VPS54: variants seen among roughly 807,000 people sequenced by gnomAD.
VPS54 encodes the protein VPS54 subunit of GARP complex.
VPS54 carries 45 observed loss-of-function variants against 121.5 expected under a neutral mutation model. The observed-to-expected ratio is 0.37, with a 90% confidence interval of 0.29 to 0.47. VPS54 has a LOEUF of 0.47. Among genes scored for constraint, VPS54 ranks in the 20% least tolerant of loss-of-function variants. VPS54 has a pLI of 0.99. For missense variants in VPS54, 1,090 were observed against 1,131.4 expected, an observed-to-expected ratio of 0.96 and a Z score of 0.52; for synonymous variants, 371 against 385.8, an observed-to-expected ratio of 0.96 and a Z score of 0.45.
chr2:63,980,743 T>C (rs190585269), intron 3 of VPS54, among the ~76,000 whole-genome samples: 115 of 152,164 alleles, frequency 7.6e-4, no homozygotes, highest in South Asian at 4.8e-3. Flanking sequence ...ATTTGATCAA[T>C]ATACAAATAG....
intron 20 of VPS54, among the ~76,000 whole-genome samples, chr2:63,907,518 C>CAAAA (rs113824223): frequency 2.2e-5 from 2 of 89,506 alleles, no homozygotes; most frequent in Non-Finnish European, 2.2e-5. Flanking sequence ...AACTCCATCT[C>CAAAA]AAAAAAAAAA....
At chr2:63,972,703 T>A (rs1057416136) in intron 3 of VPS54, among the ~76,000 whole-genome samples, 1 of 151,940 alleles carries the variant, frequency 6.6e-6, no homozygotes, top group African/African-American at 2.4e-5. Context: ...CTGGCCAACA[T>A]GGTGAAACCT....
chr2:63,974,487 G>C (rs895085812), intron 3 of VPS54, among the ~76,000 whole-genome samples: 2 of 152,130 alleles, frequency 1.3e-5, no homozygotes, highest in Non-Finnish European at 2.9e-5. Flanking sequence ...CCAACTGCTA[G>C]GATTTTAATC....
Position 64,019,057 on chromosome 2 carries a change from C to T in VPS54, c.-140G>A, listed in dbSNP as rs1279690677. On this transcript the variant is annotated 5_prime_UTR_variant, in exon 1 of 23. Transcript: ENST00000272322. Reference sequence around the variant, plus strand: ...GCCGCCGCCCGGCGCCCGGCCGGGCCCGAGCCCGGGTTCCCGCCCCCGCCC... The same window carrying T: ...GCCGCCGCCCGGCGCCCGGCCGGGCTCGAGCCCGGGTTCCCGCCCCCGCCC... The T allele has an allele frequency of 2.0e-5, 3 of 151,088 alleles. No homozygotes were observed. Among genetic ancestry groups the T allele is most frequent in the Non-Finnish European group, 3.0e-5 (2 of 67,582 alleles). The allele number at this position is 151,088 out of a possible 1,614,324, so 9.4% of individuals were successfully genotyped here. A position where few individuals can be genotyped will look rare whatever the true frequency, so the allele number is the denominator to read the frequency against.
rs9309357 is a variant in VPS54 at position 63,938,059 on chromosome 2, G to GTGGTGTGTGTGTGTGTGTGTGT, written c.1399-4047_1399-4046insACACACACACACACACACACCA. ...AAACGTGTGTGTGTGTGGTGTGTGT[G>GTGGTGTGTGTGTGTGTGTGTGT]GTGTGTGTGTGTGTGTGTGTGTGTG... On this transcript the variant is annotated intron_variant, in intron 11 of 22. Transcript: ENST00000272322. Among the ~76,000 whole-genome samples, 9 of 140,478 alleles carry GTGGTGTGTGTGTGTGTGTGTGT rather than the reference G, an allele frequency of 6.4e-5. 1 individual carries two copies. Among genetic ancestry groups the GTGGTGTGTGTGTGTGTGTGTGT allele is most frequent in the African/African-American group, 2.5e-4 (9 of 36,134 alleles). The allele number at this position is 140,478 out of a possible 152,430, so 92.2% of individuals were successfully genotyped here.
intron 1 of VPS54, among the ~76,000 whole-genome samples, chr2:63,994,797 G>A (rs1317988244): frequency 1.3e-5 from 2 of 152,152 alleles, no homozygotes; most frequent in Non-Finnish European, 2.9e-5. Context: ...CTTAATTTGG[G>A]AAGATTGTGT....
At chr2:64,001,903 T>C (rs1251043814) in intron 1 of VPS54, among the ~76,000 whole-genome samples, 1 of 152,122 alleles carries the variant, frequency 6.6e-6, no homozygotes, top group Non-Finnish European at 1.5e-5. Context: ...CTAATTCCAC[T>C]GGTGCCGAGC....
At chr2:63,920,783 G>A (rs66595136) in intron 13 of VPS54, among the ~76,000 whole-genome samples, 156 bp from the exon 14 acceptor site, 26,407 of 151,710 alleles carry the variant, frequency 0.17, 3,069 homozygotes, top group Non-Finnish European at 0.24. Context: ...ATGCTTAAGA[G>A]GTCCAAATTT....
intron 1 of VPS54, among the ~76,000 whole-genome samples, chr2:64,011,520 T>G (rs1678430774): frequency 6.6e-6 from 1 of 152,122 alleles, no homozygotes; most frequent in African/African-American, 2.4e-5. Context: ...GAGCCGTGAT[T>G]ATACCACTGC....
At chr2:63,946,480 C>A (rs367714782) in intron 9 of VPS54, among the ~76,000 whole-genome samples, 2 of 151,702 alleles carry the variant, frequency 1.3e-5, no homozygotes, top group Non-Finnish European at 2.9e-5. Context: ...AGTGGTTGTA[C>A]CAATTTAAAA....
chr2:64,007,710 G>C (rs1489674068), intron 1 of VPS54, among the ~76,000 whole-genome samples: 2 of 152,208 alleles, frequency 1.3e-5, no homozygotes, highest in Non-Finnish European at 2.9e-5. Context: ...TGGAGAAAGT[G>C]CCGAAGAAGA....
At chr2:63,898,398 T>C (rs964979308) in intron 21 of VPS54, among the ~76,000 whole-genome samples, 4 of 152,206 alleles carry the variant, frequency 2.6e-5, no homozygotes, top group African/African-American at 9.6e-5. Flanking sequence ...ACGTCGTATT[T>C]TACGGCTCCC....
At chr2:63,967,857 G>C (rs1246619883) in intron 5 of VPS54, among the ~76,000 whole-genome samples, 4 of 151,898 alleles carry the variant, frequency 2.6e-5, no homozygotes, top group Non-Finnish European at 5.9e-5. Flanking sequence ...GAAAGAACAA[G>C]AAAGTACCCA....
At chr2:63,998,277 C>G (rs1427458673) in intron 1 of VPS54, among the ~76,000 whole-genome samples, 1 of 151,998 alleles carries the variant, frequency 6.6e-6, no homozygotes, top group Admixed American at 6.6e-5. Flanking sequence ...TTTTCCATCC[C>G]TTTTTTTGTC....
At chr2:64,010,828 A>T (rs1678393962) in intron 1 of VPS54, among the ~76,000 whole-genome samples, 1 of 152,238 alleles carries the variant, frequency 6.6e-6, no homozygotes, top group African/African-American at 2.4e-5. Context: ...CTGTCATATA[A>T]ATAAGTACTT....
At chr2:63,980,824 A>C (rs1676770777) in intron 3 of VPS54, among the ~76,000 whole-genome samples, 1 of 152,052 alleles carries the variant, frequency 6.6e-6, no homozygotes, top group East Asian at 1.9e-4. Flanking sequence ...TGATCATTGA[A>C]AACAGTTTTT....
intron 7 of VPS54, among the ~76,000 whole-genome samples, chr2:63,951,511 C>A (rs1194911894): frequency 6.6e-6 from 1 of 152,120 alleles, no homozygotes; most frequent in Non-Finnish European, 1.5e-5. Flanking sequence ...CAGCTCACCA[C>A]AGTAGCAACA....
intron 5 of VPS54, among the ~76,000 whole-genome samples, chr2:63,967,650 C>T (rs935318489): frequency 1.4e-4 from 19 of 139,052 alleles, no homozygotes; most frequent in African/African-American, 5.3e-5. Context: ...ACCTGGGAGG[C>T]GGAGGTTGCA....
chr2:63,950,230 C>G (rs2104530246), intron 7 of VPS54, among the ~76,000 whole-genome samples: 1 of 152,282 alleles, frequency 6.6e-6, no homozygotes, highest in South Asian at 2.1e-4. Context: ...ACAACTTTTT[C>G]TATAACAATG....
Sources: allele counts gnomAD v4.1 joint callset (sites outside exome capture counted in the v4.1 genomes callset), GRCh38; gene constraint gnomAD v4.1.1; transcripts MANE v1.5; gene names NCBI Gene and HGNC (gene_info 2026-07-23, HGNC 2026-07-21).